Variants in FYB1 observed in about 807,000 individuals in gnomAD.
The protein encoded by FYB1 is FYN binding protein 1.
In FYB1, 41 loss-of-function variants were observed where a neutral mutation model predicts 94.1. The observed-to-expected ratio is 0.44, with a 90% CI of 0.34 to 0.57. FYB1 has a LOEUF of 0.57. Among genes scored for constraint, FYB1 ranks in the 20% least tolerant of loss-of-function variants. The pLI, the probability that FYB1 is intolerant of heterozygous loss-of-function variation, is 0.02. For synonymous variants in FYB1, 367 were observed against 353.2 expected, an observed-to-expected ratio of 1.04 and a Z score of -0.44; for missense variants, 1,050 against 976.8, an observed-to-expected ratio of 1.07 and a Z score of -1.00.
chr5:39,152,483 T>C (rs553836646), intron 3 of FYB1, among the ~76,000 whole-genome samples: 1 of 152,200 alleles, frequency 6.6e-6, no homozygotes, highest in Non-Finnish European at 1.5e-5. Flanking sequence ...AATCAAATTG[T>C]ACTAAATATG....
Position 39,184,517 on chromosome 5 carries a change from G to A in FYB1, c.1135+17309C>T, listed in dbSNP as rs964544450. On this transcript the variant is annotated intron_variant, in intron 2 of 18. Transcript: ENST00000512982. ...GGTAATACTCACAGACTACAAAAAGGTTAACTTTCTTGCCTTTTCAAGAAA... is the reference window on the plus strand; with the variant it reads ...GGTAATACTCACAGACTACAAAAAGATTAACTTTCTTGCCTTTTCAAGAAA... 5.9e-5 allele frequency among the ~76,000 whole-genome samples: 9 copies of A among 152,230 alleles called. No individual in the cohort carries two copies. In the East Asian group the frequency reaches 1.5e-3, roughly 26 times the overall value.
At chr5:39,208,517 G>A (rs1749059993) in intron 1 of FYB1, among the ~76,000 whole-genome samples, 1 of 152,028 alleles carries the variant, frequency 6.6e-6, no homozygotes, top group South Asian at 2.1e-4. Flanking sequence ...TACTTATTCG[G>A]TCTCAACTGC....
At chr5:39,157,866 G>A (rs1176210153) in intron 2 of FYB1, among the ~76,000 whole-genome samples, 1 of 152,138 alleles carries the variant, frequency 6.6e-6, no homozygotes, top group East Asian at 1.9e-4. Context: ...AGTGCAGGAT[G>A]GTTCAGCAGC....
intron 1 of FYB1, among the ~76,000 whole-genome samples, chr5:39,272,613 A>G (rs894245692): frequency 1.4e-5 from 2 of 146,454 alleles, no homozygotes; most frequent in Non-Finnish European, 3.0e-5. Context: ...CGGAGCTTGC[A>G]GTGAGCCGAG....
chr5:39,185,641 T>TACAC (rs563257255), intron 2 of FYB1, among the ~76,000 whole-genome samples: 15 of 145,040 alleles, frequency 1.0e-4, no homozygotes, highest in African/African-American at 3.6e-4. Flanking sequence ...TATATATATA[T>TACAC]ACACACACAC....
At chr5:39,236,042 T>A (rs1279980776) in intron 1 of FYB1, among the ~76,000 whole-genome samples, 1 of 151,954 alleles carries the variant, frequency 6.6e-6, no homozygotes, top group Non-Finnish European at 1.5e-5. Context: ...TATTGGACAG[T>A]ACAGGACCAG....
chr5:39,206,494 C>T (rs1185396821), intron 1 of FYB1, among the ~76,000 whole-genome samples: 1 of 152,094 alleles, frequency 6.6e-6, no homozygotes, highest in Non-Finnish European at 1.5e-5. Context: ...ATTCAATTAT[C>T]TAGTACTTTT....
intron 1 of FYB1, among the ~76,000 whole-genome samples, chr5:39,228,504 C>G (rs550850397): frequency 3.4e-5 from 5 of 145,078 alleles, no homozygotes; most frequent in Admixed American, 3.3e-4. Flanking sequence ...GACATGCCAA[C>G]TTTGGAAAAG....
intron 2 of FYB1, among the ~76,000 whole-genome samples, chr5:39,171,295 A>T (rs1192974940): frequency 6.6e-6 from 1 of 152,156 alleles, no homozygotes; most frequent in East Asian, 1.9e-4. Context: ...CCAAAAAAAA[A>T]AAAGTAAACC....
intron 1 of FYB1, among the ~76,000 whole-genome samples, chr5:39,230,071 G>A (rs1023022733): frequency 8.5e-5 from 13 of 152,072 alleles, no homozygotes; most frequent in South Asian, 2.1e-4. Context: ...GCAAAATAAC[G>A]TCCCCATCTT....
intron 1 of FYB1, among the ~76,000 whole-genome samples, chr5:39,265,139 C>T (rs775136466): frequency 6.6e-5 from 10 of 151,920 alleles, no homozygotes; most frequent in Non-Finnish European, 1.0e-4. Flanking sequence ...AGTTCAAGAC[C>T]AGCCTGGCCA....
chr5:39,184,207 A>G (rs1746528663), intron 2 of FYB1, among the ~76,000 whole-genome samples: 1 of 152,212 alleles, frequency 6.6e-6, no homozygotes, highest in African/African-American at 2.4e-5. Context: ...GATTGTTGTC[A>G]AAGTTTTGAG....
intron 1 of FYB1, among the ~76,000 whole-genome samples, chr5:39,212,211 G>A (rs1266209747): frequency 6.6e-6 from 1 of 152,080 alleles, no homozygotes; most frequent in East Asian, 1.9e-4. Flanking sequence ...TGGAGGCTGG[G>A]GTGGGATGAT....
intron 1 of FYB1, chr5:39,250,613 T>C (rs1043699358): frequency 6.6e-6 from 1 of 152,146 alleles, no homozygotes; most frequent in Non-Finnish European, 1.5e-5. Context: ...CTTCTTTTGG[T>C]GTTAAATGGC....
At chr5:39,151,645 G>T (rs779349381) in intron 3 of FYB1, among the ~76,000 whole-genome samples, 7 of 152,126 alleles carry the variant, frequency 4.6e-5, no homozygotes, top group Non-Finnish European at 1.0e-4. Flanking sequence ...AGGGGTCTTT[G>T]TTTGTTTACT....
At chr5:39,134,117 G>T in intron 9 of FYB1, 91 bp downstream of exon 9, 3 of 950,118 alleles carry the variant, frequency 3.2e-6, no homozygotes, top group South Asian at 1.9e-5. Context: ...AGCAGTAGGA[G>T]TTATGGAGGG....
chr5:39,193,134 G>A (rs1170008350), intron 2 of FYB1, among the ~76,000 whole-genome samples: 3 of 152,282 alleles, frequency 2.0e-5, no homozygotes, highest in Admixed American at 2.0e-4. Flanking sequence ...GAGACTTGGG[G>A]AGGGGTTAGA....
intron 1 of FYB1, among the ~76,000 whole-genome samples, chr5:39,256,120 G>T (rs1241465306): frequency 6.6e-6 from 1 of 152,158 alleles, no homozygotes; most frequent in East Asian, 1.9e-4. Flanking sequence ...CTTAGCAATG[G>T]AAAGGTAACA....
At chr5:39,215,129 G>A (rs528207346) in intron 1 of FYB1, among the ~76,000 whole-genome samples, 5 of 152,184 alleles carry the variant, frequency 3.3e-5, no homozygotes, top group East Asian at 1.9e-4. Context: ...GCAACAATGC[G>A]AATGTATGTA....
Sources: gnomAD v4.1 joint callset for allele counts (sites outside exome capture counted in the v4.1 genomes callset) on GRCh38, gnomAD v4.1.1 for gene constraint, MANE v1.5 for transcripts, NCBI Gene and HGNC (gene_info 2026-07-23, HGNC 2026-07-21) for gene names.